The following PUS7 variants were observed in gnomAD, a reference collection of about 807,000 sequenced individuals.
PUS7 encodes the protein pseudouridylate synthase 7 homolog.
A neutral mutation model predicts 79.8 loss-of-function variants in PUS7; 48 were observed. That is an observed-to-expected ratio of 0.60 (90% confidence interval 0.48 to 0.76). The LOEUF (loss-of-function observed/expected upper bound fraction) is 0.76, where lower values mean the gene tolerates loss of function less well. Among genes scored for constraint, PUS7 ranks in the 30% least tolerant of loss-of-function variants. The pLI, the probability that PUS7 is intolerant of heterozygous loss-of-function variation, is 0.00. For missense variants in PUS7, 729 were observed against 797.6 expected (o/e 0.91, Z 1.04); for synonymous variants, 286 against 272.2 (o/e 1.05, Z -0.50).
At chr7:105,460,886 G>C (rs907931377) in intron 14 of PUS7, among the ~76,000 whole-genome samples, 1 of 139,334 alleles carries the variant, frequency 7.2e-6, no homozygotes, top group Non-Finnish European at 1.6e-5. Context: ...ATTTGTTTTT[G>C]AGACAGGGTT....
intron 12 of PUS7, among the ~76,000 whole-genome samples, chr7:105,466,315 T>A (rs1823642046): frequency 6.6e-6 from 1 of 152,132 alleles, no homozygotes; most frequent in African/African-American, 2.4e-5. Flanking sequence ...CAGAGTGCAG[T>A]GGTGTGATTA....
intron 7 of PUS7, among the ~76,000 whole-genome samples, chr7:105,485,653 C>T (rs1439072358): frequency 6.6e-6 from 1 of 152,182 alleles, no homozygotes; most frequent in African/African-American, 2.4e-5. Flanking sequence ...TTTTTTGAAT[C>T]AACCATTATT....
chr7:105,484,883 C>T (rs1203089041), intron 7 of PUS7, among the ~76,000 whole-genome samples: 9 of 121,634 alleles, frequency 7.4e-5, no homozygotes, highest in African/African-American at 1.3e-4. Flanking sequence ...TTTTTTAAGA[C>T]GGAGTCTTGC....
chr7:105,473,542 C>T (rs896962465), intron 9 of PUS7, among the ~76,000 whole-genome samples: 1 of 152,108 alleles, frequency 6.6e-6, no homozygotes, highest in African/African-American at 2.4e-5. Flanking sequence ...CCTCAGTCTC[C>T]CAAATAGCTG....
intron 7 of PUS7, among the ~76,000 whole-genome samples, chr7:105,488,924 G>A (rs13232791): frequency 2.0e-5 from 3 of 152,056 alleles, no homozygotes; most frequent in African/African-American, 4.8e-5. Context: ...CAAGACGGGT[G>A]GATCACGAGG....
intron 13 of PUS7, among the ~76,000 whole-genome samples, chr7:105,464,714 G>T (rs1410507342): frequency 6.6e-6 from 1 of 151,820 alleles, no homozygotes; most frequent in Non-Finnish European, 1.5e-5. Context: ...AAACCATTCT[G>T]CTGGCTTTCC....
intron 7 of PUS7, 76 bp from the exon 8 acceptor site, chr7:105,482,516 G>T: frequency 7.0e-7 from 1 of 1,436,118 alleles, no homozygotes; most frequent in Admixed American, 2.0e-5. Context: ...TGTCTGCTTG[G>T]AACAGTACAG....
chr7:105,501,720 C>A (rs2133222255), intron 5 of PUS7, among the ~76,000 whole-genome samples: 1 of 152,072 alleles, frequency 6.6e-6, no homozygotes, highest in South Asian at 2.1e-4. Context: ...CTTTGGGAGG[C>A]CGAGACGGGT....
chr7:105,500,779 A>G (rs1825215533), intron 5 of PUS7, among the ~76,000 whole-genome samples: 4 of 152,228 alleles, frequency 2.6e-5, no homozygotes, highest in Admixed American at 2.6e-4. Flanking sequence ...CTGAACCAAC[A>G]GTGGCTCCAA....
chr7:105,466,897 G>T (rs1184915235), intron 12 of PUS7, among the ~76,000 whole-genome samples: 1 of 152,130 alleles, frequency 6.6e-6, no homozygotes, highest in Non-Finnish European at 1.5e-5. Flanking sequence ...TCTGAACAGA[G>T]TTAGAACCTT....
At chr7:105,521,124 C>A (rs1353215679) in intron 1 of PUS7, among the ~76,000 whole-genome samples, 1 of 135,658 alleles carries the variant, frequency 7.4e-6, no homozygotes, top group Non-Finnish European at 1.7e-5. Context: ...CTAACCAACC[C>A]CTTTTCAATA....
At chr7:105,500,251 C>T (rs143552384) in intron 5 of PUS7, among the ~76,000 whole-genome samples, 51 of 152,204 alleles carry the variant, frequency 3.4e-4, no homozygotes, top group African/African-American at 1.1e-3. Context: ...GTTCACATCG[C>T]ACAGCTCAGT....
intron 1 of PUS7, among the ~76,000 whole-genome samples, chr7:105,510,834 A>C (rs980116730): frequency 1.3e-5 from 2 of 152,004 alleles, no homozygotes; most frequent in African/African-American, 4.8e-5. Flanking sequence ...GCTCTTGGTA[A>C]AATAAGGATA....
At chr7:105,494,858 C>A (rs1224281689) in intron 6 of PUS7, among the ~76,000 whole-genome samples, 1 of 151,570 alleles carries the variant, frequency 6.6e-6, no homozygotes, top group Admixed American at 6.6e-5. Context: ...CGCCTGTAAT[C>A]CCAGCTACTC....
At chr7:105,470,287 T>C (rs1438350347) in intron 11 of PUS7, 2 of 156,640 alleles carry the variant, frequency 1.3e-5, no homozygotes, top group East Asian at 3.7e-4. Flanking sequence ...TGAATCACCA[T>C]GATGAAACCA....
intron 5 of PUS7, among the ~76,000 whole-genome samples, chr7:105,498,686 C>A (rs753727021): frequency 2.0e-4 from 30 of 152,232 alleles, no homozygotes; most frequent in Admixed American, 9.8e-4. Context: ...TGCACACCAA[C>A]CTTCAGCTTT....
chr7:105,474,577 G>C (rs1025321158), intron 9 of PUS7, among the ~76,000 whole-genome samples: 8 of 148,220 alleles, frequency 5.4e-5, no homozygotes, highest in African/African-American at 2.0e-4. Flanking sequence ...GACCATCCTG[G>C]CTAACATGGT....
chr7:105,472,820 C>A (rs961886518), intron 9 of PUS7, among the ~76,000 whole-genome samples: 2 of 151,770 alleles, frequency 1.3e-5, no homozygotes, highest in Admixed American at 6.6e-5. Context: ...ATGATGCGAT[C>A]TCGGCTCACT....
At chr7:105,470,530 G>T in intron 11 of PUS7, 158 bp downstream of exon 11, 1 of 738,024 alleles carries the variant, frequency 1.4e-6, no homozygotes, top group Non-Finnish European at 2.0e-6. Flanking sequence ...ACCACTCAGG[G>T]TCTGAACAAA....
Sources: gnomAD v4.1 joint callset for allele counts (sites outside exome capture counted in the v4.1 genomes callset) on GRCh38, gnomAD v4.1.1 for gene constraint, MANE v1.5 for transcripts, NCBI Gene and HGNC (gene_info 2026-07-23, HGNC 2026-07-21) for gene names.